The following DRC7 variants were observed in gnomAD, a reference collection of about 807,000 sequenced individuals.
DRC7 encodes the protein dynein regulatory complex subunit 7.
Under a neutral mutation model 104.4 loss-of-function variants are expected in DRC7, and 80 were observed. The observed-to-expected ratio is 0.77, with a 90% CI of 0.64 to 0.92. The LOEUF (loss-of-function observed/expected upper bound fraction) is 0.92, where lower values mean the gene tolerates loss of function less well. Among genes scored for constraint, DRC7 ranks in the 40% least tolerant of loss-of-function variants. DRC7 has a pLI of 0.00. For missense variants in DRC7, 1,034 were observed against 1,141.1 expected, an observed-to-expected ratio of 0.91 and a Z score of 1.35; for synonymous variants, 405 against 447.3, an observed-to-expected ratio of 0.91 and a Z score of 1.19.
At chr16:57,725,116 G>A (rs2148769463) in intron 13 of DRC7, among the ~76,000 whole-genome samples, 1 of 152,034 alleles carries the variant, frequency 6.6e-6, no homozygotes, top group Non-Finnish European at 1.5e-5. Flanking sequence ...ATGGCAGAAG[G>A]GTCCTTTTCA....
chr16:57,724,865 C>A, intron 13 of DRC7, 30 bp downstream of exon 13: 1 of 1,561,604 alleles, frequency 6.4e-7, no homozygotes, highest in South Asian at 1.1e-5. Context: ...GGGGACAGGT[C>A]GCCCTCCTTC....
At position 57,731,439 on chromosome 16, in the gene DRC7, A is replaced by G; in HGVS notation, c.*181A>G. On this transcript the variant is annotated 3_prime_UTR_variant, in exon 19 of 19. Coordinates refer to ENST00000360716, the MANE Select transcript of DRC7 (RefSeq NM_001289162.2). ...TCTCATGATTTTCCTGTAAATAAAC[A>G]CACTCTTAATTTGCCATTTGTGCCT... 1 of 598,866 alleles carries G rather than the reference A, an allele frequency of 1.7e-6. No homozygotes were observed. The highest frequency in any genetic ancestry group is 1.9e-5 in the African/African-American group (1 of 53,910). 37.1% of individuals were successfully genotyped at this position (598,866 alleles called of 1,614,324 possible). A position where few individuals can be genotyped will look rare whatever the true frequency, so the allele number is the denominator to read the frequency against.
At chr16:57,726,363 G>C (rs1388155728) in intron 14 of DRC7, 80 bp downstream of exon 14, 3 of 1,214,922 alleles carry the variant, frequency 2.5e-6, no homozygotes, top group Non-Finnish European at 3.6e-6. Flanking sequence ...CCACTTGGGA[G>C]AACCAGGATG....
At chr16:57,706,457 CCCAT>C (rs1376294356) in intron 7 of DRC7, among the ~76,000 whole-genome samples, 7 of 134,552 alleles carry the variant, frequency 5.2e-5, no homozygotes, top group African/African-American at 1.8e-4. Flanking sequence ...CATTTCTCCT[CCCAT>C]CCATCCATCC....
In DRC7 at chr16:57,702,087, A is replaced by T; in HGVS notation, c.656A>T (p.Asp219Val). ...GGCTCGCTGGACCTGTGCCACATGG[A>T]CCTGACGCGGGAGGTGTGCCCACTC... ...GYGSLDLCHM[D>V]LTREVCPLTV... The change falls in exon 6 of 19, where the codon GAC becomes GTC. Residue 219 changes from aspartate (D) to valine (V), a missense_variant. Coordinates refer to ENST00000360716, the MANE Select transcript of DRC7 (RefSeq NM_001289162.2). 3 of 1,614,096 alleles carry T rather than the reference A, an allele frequency of 1.9e-6. No homozygotes were observed. The highest frequency in any genetic ancestry group is 2.5e-6 in the Non-Finnish European group (3 of 1,180,006).
At position 57,705,033 on chromosome 16, in the gene DRC7, T is replaced by C; in HGVS notation, c.857T>C (p.Met286Thr). The C allele has an allele frequency of 6.2e-7, 1 of 1,611,474 alleles. No individual in the cohort carries two copies. The highest frequency in any genetic ancestry group is 8.5e-7 in the Non-Finnish European group (1 of 1,179,662). ...CTGAGGGAGGAGGAGGAGCGCCTCA[T>C]GGTGGGTCCTCAGCCCTGAATCCCC... The part of the protein sequence containing the change: ...KRLREEEERL[M>T]EAEKAKPDAL... The change falls in exon 7 of 19, where the codon ATG (methionine) becomes ACG (threonine). Residue 286 changes from methionine (M) to threonine (T), a missense_variant and splice_region_variant. Coordinates refer to ENST00000360716, the MANE Select transcript of DRC7 (RefSeq NM_001289162.2).
Position 57,718,451 on chromosome 16 carries a change from C to T in DRC7, c.1182C>T (p.Asn394=), listed in dbSNP as rs45534134. ...CTGAAGAAGACGACAGTGGGATAAA[C>T]GATGAGGATGATGTGGAAAATCTGG... is the stretch of plus-strand genomic sequence containing the variant. The part of the protein sequence containing the change: ...SLTEEDDSGI[N]DEDDVENLGK... Residue 394 remains asparagine (N), a synonymous_variant, in exon 9 of 19, where the codon AAC becomes AAT. Transcript: ENST00000360716. 2,104 of 1,613,964 alleles carry T rather than the reference C, an allele frequency of 1.3e-3. 2 individuals carry two copies. The highest frequency in any genetic ancestry group is 1.6e-3 in the Non-Finnish European group (1,917 of 1,179,918).
Position 57,728,629 on chromosome 16 carries a change from G to C in DRC7, c.2391+45G>C, listed in dbSNP as rs371195607. On this transcript the variant is annotated intron_variant, in intron 17 of 18. Transcript: ENST00000360716. The stretch of plus-strand genomic sequence containing the variant: ...TGGGGAGGGGGGGATCTCAGCATCT[G>C]CATCCAGGAAATGGGCCCACGGCTG... The C allele has an allele frequency of 1.0e-3, 1,501 of 1,480,890 alleles. 1 individual carries two copies. The highest frequency in any genetic ancestry group is 1.3e-3 in the Non-Finnish European group (1,440 of 1,102,100). The allele number at this position is 1,480,890 out of a possible 1,614,324, so 91.7% of individuals were successfully genotyped here. A position where few individuals can be genotyped will look rare whatever the true frequency, so the allele number is the denominator to read the frequency against.
At chr16:57,702,208 C>G in intron 6 of DRC7, 78 bp downstream of exon 6, 1 of 1,473,666 alleles carries the variant, frequency 6.8e-7, no homozygotes. Context: ...TTAGAGACGT[C>G]CATCACTGCC....
At chr16:57,700,591 G>A (rs2048646935) in intron 5 of DRC7, among the ~76,000 whole-genome samples, 1 of 146,966 alleles carries the variant, frequency 6.8e-6, no homozygotes, top group South Asian at 2.1e-4. Context: ...AAGTTGCAGT[G>A]AGCCAAGATG....
At chr16:57,705,719 C>T (rs1208917014) in intron 7 of DRC7, among the ~76,000 whole-genome samples, 2 of 146,376 alleles carry the variant, frequency 1.4e-5, no homozygotes, top group African/African-American at 5.1e-5. Flanking sequence ...ATCATCCTCC[C>T]ATCCATCCAT....
Position 57,724,742 on chromosome 16 carries a change from C to A in DRC7, c.1665C>A (p.Arg555=), listed in dbSNP as rs370396621. The A allele has an allele frequency of 8.7e-6, 14 of 1,613,870 alleles. No individual in the cohort carries two copies. The African/African-American group carries it at 1.9e-4, about 22-fold the overall frequency. Reference sequence around the variant, plus strand: ...CAATGACAGAGTACTATCAAGGACGCCCAGACTTCCTCTCCTACCGCCATG... The same window carrying A: ...CAATGACAGAGTACTATCAAGGACGACCAGACTTCCTCTCCTACCGCCATG... ...PRTMTEYYQG[R]PDFLSYRHAS... Residue 555 remains arginine (R), a synonymous_variant, in exon 13 of 19, where the codon CGC becomes CGA. Coordinates refer to ENST00000360716, the MANE Select transcript of DRC7 (RefSeq NM_001289162.2).
Position 57,728,548 on chromosome 16 carries a change from C to G in DRC7, c.2355C>G (p.Ile785Met). Residue 785 changes from isoleucine to methionine, a missense_variant, in exon 17 of 19, where the codon ATC becomes ATG. Physicochemically the swap from Ile to Met is conservative, Grantham distance 10. Coordinates refer to ENST00000360716, the MANE Select transcript of DRC7 (RefSeq NM_001289162.2). ...TCAGCGACTTCAAGCAGCGGCTCAT[C>G]AACAAGGCCAACCTCATCCAGGCCC... is the stretch of plus-strand genomic sequence containing the variant. ...ECLSDFKQRL[I>M]NKANLIQARF... 6.2e-7 allele frequency: 1 copy of G among 1,609,680 alleles called. No homozygotes were observed. The highest frequency in any genetic ancestry group is 8.5e-7 in the Non-Finnish European group (1 of 1,178,392).
In DRC7 at chr16:57,722,726, C is replaced by T. The variant is rs137968640; in HGVS notation, c.1293C>T (p.Arg431=). 7 of 1,613,594 alleles carry T rather than the reference C, an allele frequency of 4.3e-6. No homozygotes were observed. Among genetic ancestry groups the T allele is most frequent in the African/African-American group, 1.3e-5 (1 of 74,914 alleles). Residue 431 remains arginine (R), a synonymous_variant, in exon 11 of 19, where the codon CGC becomes CGT. Transcript: ENST00000360716. The part of the protein sequence containing the change: ...IEISPEAFET[R]CPNGKKVIQY... ...CTGTGTCCACAGCATTTGAGACCCG[C>T]TGCCCGAACGGGAAGAAGGTGATTC...
chr16:57,697,362 G>A (rs2048604228), intron 2 of DRC7, among the ~76,000 whole-genome samples: 1 of 151,898 alleles, frequency 6.6e-6, no homozygotes. Flanking sequence ...ATCGCTTGAG[G>A]CCAGGAGTTT....
chr16:57,730,050 ATG>A (rs1347514607), intron 17 of DRC7, among the ~76,000 whole-genome samples: 17 of 112,498 alleles, frequency 1.5e-4, no homozygotes, highest in African/African-American at 5.9e-4. Flanking sequence ...GGATGGACGG[ATG>A]GATGGATGGA....
At chr16:57,700,867 A>G (rs2048650594) in intron 5 of DRC7, among the ~76,000 whole-genome samples, 1 of 151,952 alleles carries the variant, frequency 6.6e-6, no homozygotes, top group Non-Finnish European at 1.5e-5. Flanking sequence ...GACATCGCCT[A>G]TTGATTGTTA....
chr16:57,709,389 T>A (rs1203803203), intron 8 of DRC7, among the ~76,000 whole-genome samples: 1 of 152,226 alleles, frequency 6.6e-6, no homozygotes, highest in Non-Finnish European at 1.5e-5. Flanking sequence ...TGAACATCCT[T>A]GTCTCAGTCC....
chr16:57,718,457 G>C lies in DRC7; in HGVS notation c.1188G>C (p.Glu396Asp). Residue 396 changes from glutamate (E) to aspartate (D), a missense_variant, in exon 9 of 19, where the codon GAG becomes GAC. By Grantham distance (45) the Glu-to-Asp change is conservative. Transcript: ENST00000360716. ...AAGACGACAGTGGGATAAACGATGA[G>C]GATGATGTGGAAAATCTGGTGAGTC... The part of the protein sequence containing the change: ...TEEDDSGIND[E>D]DDVENLGKED... The C allele has an allele frequency of 1.2e-6, 2 of 1,614,004 alleles. No homozygotes were observed. The highest frequency in any genetic ancestry group is 1.7e-6 in the Non-Finnish European group (2 of 1,179,906).
Sources: gnomAD v4.1 joint callset for allele counts (sites outside exome capture counted in the v4.1 genomes callset) on GRCh38, gnomAD v4.1.1 for gene constraint, MANE v1.5 for transcripts, NCBI Gene and HGNC (gene_info 2026-07-23, HGNC 2026-07-21) for gene names.